Variants in MIB1 observed in about 807,000 individuals in gnomAD.
MIB1 encodes the protein E3 ubiquitin-protein ligase MIB1.
Under a neutral mutation model 124.5 loss-of-function variants are expected in MIB1, and 278 were observed. The observed-to-expected ratio is 2.23, with a 90% CI of 2.02 to 2.47. MIB1 has a LOEUF of 2.47. Among genes scored for constraint, MIB1 ranks in the 30% most tolerant of loss-of-function variants. The pLI is 0.00. For synonymous variants in MIB1, 446 were observed against 429.4 expected, an observed-to-expected ratio of 1.04 and a Z score of -0.48; for missense variants, 957 against 1,254.4, an observed-to-expected ratio of 0.76 and a Z score of 3.58.
chr18:21,761,929 G>A (rs1318007044), intron 1 of MIB1, among the ~76,000 whole-genome samples: 1 of 107,032 alleles, frequency 9.3e-6, no homozygotes, highest in Non-Finnish European at 1.9e-5. Flanking sequence ...TGTGTACCCA[G>A]AAAACAATCT....
In MIB1 at chr18:21,779,519, AT is replaced by A; in HGVS notation, c.744del (p.Ile248MetfsTer5). 6.2e-7 allele frequency: 1 copy of A among 1,614,120 alleles called. No individual in the cohort carries two copies. Among genetic ancestry groups the A allele is most frequent in the Non-Finnish European group, 8.5e-7 (1 of 1,179,984 alleles). On this transcript the variant is annotated frameshift_variant, in exon 6 of 21. Transcript: ENST00000261537. LOFTEE classifies it high-confidence loss of function. ...NGNRNPGGLQ[I>X]GDLVNIDLDL... ...CAACAGGAATCCTGGTGGATTGCAG[AT>A]TGGTGACCTGGTAAATATAGATCTC... is the stretch of plus-strand genomic sequence containing the variant.
At chr18:21,851,162 A>C (rs2042176527) in intron 17 of MIB1, among the ~76,000 whole-genome samples, 1 of 152,148 alleles carries the variant, frequency 6.6e-6, no homozygotes, top group African/African-American at 2.4e-5. Context: ...TAAAAGCTGC[A>C]GCTCAAAGAA....
chr18:21,844,813 A>G (rs1286043045), intron 15 of MIB1, among the ~76,000 whole-genome samples: 5 of 152,182 alleles, frequency 3.3e-5, no homozygotes, highest in Admixed American at 6.5e-5. Context: ...CCTAATGACT[A>G]TTGATATTGA....
chr18:21,740,662 G>T (rs569974870), upstream of MIB1, among the ~76,000 whole-genome samples: 3 of 152,136 alleles, frequency 2.0e-5, no homozygotes, highest in African/African-American at 7.2e-5. Context: ...TTTCCTCATA[G>T]CTCATTGGGC....
rs2042307970 is a variant in MIB1 at position 21,864,777 on chromosome 18, T to C, written c.*111T>C. 1 of 757,746 alleles carries C rather than the reference T, an allele frequency of 1.3e-6. No individual in the cohort carries two copies. The highest frequency in any genetic ancestry group is 3.0e-5 in the South Asian group (1 of 33,848). 46.9% of individuals were successfully genotyped at this position (757,746 alleles called of 1,614,324 possible). On this transcript the variant is annotated 3_prime_UTR_variant, in exon 21 of 21. Transcript: ENST00000261537. The stretch of plus-strand genomic sequence containing the variant: ...GTTAATTTCTAATATCATAGTTTCT[T>C]TACTAGAGTATAATTGGGCTGTAAA...
intron 7 of MIB1, among the ~76,000 whole-genome samples, chr18:21,797,493 AAAG>A (rs2041596597): frequency 6.6e-6 from 1 of 152,100 alleles, no homozygotes; most frequent in African/African-American, 2.4e-5. Flanking sequence ...TTTTCAAAAA[AAAG>A]GTGATAGTTG....
chr18:21,755,808 C>T (rs1441047692), intron 1 of MIB1, among the ~76,000 whole-genome samples: 1 of 152,070 alleles, frequency 6.6e-6, no homozygotes, highest in East Asian at 1.9e-4. Flanking sequence ...TGGATATTTG[C>T]TTGGGTTAGA....
Position 21,823,833 on chromosome 18 carries a change from T to G in MIB1, c.1829+4187T>G, listed in dbSNP as rs1435194795. Among the ~76,000 whole-genome samples the G allele has an allele frequency of 2.6e-5, 4 of 152,346 alleles. No homozygotes were observed. In the East Asian group the frequency reaches 7.7e-4, roughly 29 times the overall value. The stretch of plus-strand genomic sequence containing the variant: ...ATAGTTAATATTTATAGGCATGTTT[T>G]CATCTAGAGTTTAGCCATATTTATC... On this transcript the variant is annotated intron_variant, in intron 12 of 20. Transcript: ENST00000261537.
upstream of MIB1, among the ~76,000 whole-genome samples, chr18:21,739,896 CAGTG>C (rs1280057611): frequency 6.7e-6 from 1 of 150,014 alleles, no homozygotes; most frequent in African/African-American, 2.5e-5. Flanking sequence ...GCCTGGCTGA[CAGTG>C]AGACCCTGTC....
At chr18:21,744,159 C>T (rs933753361) in intron 1 of MIB1, among the ~76,000 whole-genome samples, 1 of 143,844 alleles carries the variant, frequency 7.0e-6, no homozygotes, top group African/African-American at 2.6e-5. Flanking sequence ...TCTTGTTTTG[C>T]CCCAGGACTA....
intron 12 of MIB1, among the ~76,000 whole-genome samples, chr18:21,835,822 C>CACACACACACAA (rs1568220621): frequency 1.7e-5 from 1 of 58,568 alleles, no homozygotes; most frequent in Admixed American, 2.3e-4. Flanking sequence ...CACACACACA[C>CACACACACACAA]ACACACACAC....
intron 7 of MIB1, among the ~76,000 whole-genome samples, chr18:21,793,662 T>A (rs749292050): frequency 1.3e-5 from 2 of 151,244 alleles, no homozygotes; most frequent in Admixed American, 6.6e-5. Context: ...GTGCCTGTAA[T>A]CCCAGGTACT....
Position 21,870,319 on chromosome 18 carries a change from G to A in MIB1, c.*5653G>A, listed in dbSNP as rs1322026871. The A allele has an allele frequency of 6.6e-6, 1 of 152,150 alleles. No homozygotes were observed. Among genetic ancestry groups the A allele is most frequent in the African/African-American group, 2.4e-5 (1 of 41,426 alleles). 9.4% of individuals were successfully genotyped at this position (152,150 alleles called of 1,614,324 possible). ...AATTACCATGCCTTTAAGAAACAAG[G>A]ATGTACATCTTCAATTCAGCATAAG... On this transcript the variant is annotated 3_prime_UTR_variant, in exon 21 of 21. Coordinates refer to ENST00000261537, the MANE Select transcript of MIB1 (RefSeq NM_020774.4).
chr18:21,831,117 AAAAC>A (rs1223455858), intron 12 of MIB1: 10 of 151,580 alleles, frequency 6.6e-5, no homozygotes, highest in African/African-American at 1.5e-4. Flanking sequence ...AAAAAAAAAA[AAAAC>A]AAAAACAGAA....
chr18:21,731,018 TC>T (rs1454980390), intron 1 of MIB1, among the ~76,000 whole-genome samples: 1 of 152,210 alleles, frequency 6.6e-6, no homozygotes, highest in East Asian at 1.9e-4. Flanking sequence ...TTTTTTACTT[TC>T]ACCTCCTGAG....
intron 10 of MIB1, among the ~76,000 whole-genome samples, chr18:21,814,105 G>A (rs992130877): frequency 5.9e-5 from 9 of 152,054 alleles, no homozygotes; most frequent in Admixed American, 2.0e-4. Context: ...AAAAATTTAA[G>A]CAATTTGGTC....
intron 1 of MIB1, among the ~76,000 whole-genome samples, chr18:21,748,730 CT>C (rs557338460): frequency 0.016 from 1,722 of 107,112 alleles, 26 homozygotes; most frequent in African/African-American, 0.046. Flanking sequence ...CATGCCCAGC[CT>C]TTTTTTTTTT....
rs1486174276 is a variant in MIB1, at chr18:21,844,219, A to T, written c.2177A>T (p.Lys726Met). ...RQLQDMQDVG[K>M]VDAAWEPSKN... is the part of the protein sequence containing the mutation. ...CTCCAAGATATGCAAGATGTGGGGA[A>T]GGTGGATGCTGCCTGGGAGCCATCC... The change falls in exon 15 of 21, where the codon AAG (lysine) becomes ATG (methionine). Residue 726 changes from lysine (K) to methionine (M), a missense_variant. By Grantham distance (95) the Lys-to-Met change is moderately conservative. Transcript: ENST00000261537. 6.2e-7 allele frequency: 1 copy of T among 1,614,076 alleles called. No individual in the cohort carries two copies. The highest frequency in any genetic ancestry group is 8.5e-7 in the Non-Finnish European group (1 of 1,180,034).
At chr18:21,747,553 C>G (rs1342717220) in intron 1 of MIB1, among the ~76,000 whole-genome samples, 1 of 152,186 alleles carries the variant, frequency 6.6e-6, no homozygotes, top group African/African-American at 2.4e-5. Flanking sequence ...TCAACAGATT[C>G]CAAGCCTTGA....
Sources: gnomAD v4.1 joint callset for allele counts (sites outside exome capture counted in the v4.1 genomes callset) on GRCh38, gnomAD v4.1.1 for gene constraint, MANE v1.5 for transcripts, NCBI Gene and HGNC (gene_info 2026-07-23, HGNC 2026-07-21) for gene names.